Variants in TMEM267 observed in about 807,000 individuals in gnomAD.
The protein encoded by TMEM267 is transmembrane protein C5orf28.
In TMEM267, 20 loss-of-function variants were observed where a neutral mutation model predicts 19.3. That is an observed-to-expected ratio of 1.04 (90% CI 0.73 to 1.51). TMEM267 has a LOEUF of 1.51. Among genes scored for constraint, TMEM267 ranks in the 40% most tolerant of loss-of-function variants. The probability of loss-of-function intolerance (pLI) is 0.00; values close to 1 mark genes in which losing one functional copy is unlikely to be tolerated. For missense variants in TMEM267, 242 were observed against 261.9 expected, an observed-to-expected ratio of 0.92 and a Z score of 0.52; for synonymous variants, 88 against 90.3, an observed-to-expected ratio of 0.97 and a Z score of 0.15.
At chr5:43,479,761 A>G (rs1744650266) in intron 1 of TMEM267, 1 of 329,844 alleles carries the variant, frequency 3.0e-6, no homozygotes, top group African/African-American at 2.3e-5. Context: ...CATTTGCAAT[A>G]ATGAAAATTG....
intron 1 of TMEM267, among the ~76,000 whole-genome samples, chr5:43,456,170 A>T (rs1026965843): frequency 6.6e-6 from 1 of 152,194 alleles, no homozygotes; most frequent in African/African-American, 2.4e-5. Flanking sequence ...TGCAAAGATA[A>T]ATCAATGGAG....
At chr5:43,463,792 A>G (rs527249308) in intron 1 of TMEM267, among the ~76,000 whole-genome samples, 2 of 152,372 alleles carry the variant, frequency 1.3e-5, no homozygotes, top group African/African-American at 4.8e-5. Flanking sequence ...TTAGGTATCG[A>G]TGGGATGTAT....
intron 1 of TMEM267, among the ~76,000 whole-genome samples, chr5:43,465,053 C>T (rs1286100553): frequency 6.6e-6 from 1 of 152,252 alleles, no homozygotes; most frequent in Non-Finnish European, 1.5e-5. Context: ...TTGCAATCTA[C>T]TCATCTGACA....
At position 43,481,104 on chromosome 5, in the gene TMEM267, TAC is replaced by T. The variant is rs1299818684; in HGVS notation, c.-75+2716_-75+2717del. Reference sequence around the variant, plus strand: ...CAGGCGTGAGCCACTGCGCCCGGCTTACTTTTTTTTTTTTTTTTTTTTGACAA... The same window carrying T: ...CAGGCGTGAGCCACTGCGCCCGGCTTTTTTTTTTTTTTTTTTTTTTGACAA... On this transcript the variant is annotated intron_variant, in intron 1 of 2. Coordinates refer to ENST00000397080, the MANE Select transcript of TMEM267 (RefSeq NM_022483.5). 1.4e-5 allele frequency among the ~76,000 whole-genome samples: 2 copies of T among 146,280 alleles called. 1 individual carries two copies. Among genetic ancestry groups the T allele is most frequent in the Admixed American group, 1.4e-4 (2 of 14,674 alleles).
chr5:43,461,364 T>G (rs1310756870), intron 1 of TMEM267, among the ~76,000 whole-genome samples: 1 of 152,066 alleles, frequency 6.6e-6, no homozygotes, highest in Non-Finnish European at 1.5e-5. Context: ...TTATCAGCTG[T>G]GGTGGCTATG....
At chr5:43,454,892 T>G (rs1742855125) in intron 1 of TMEM267, among the ~76,000 whole-genome samples, 1 of 152,252 alleles carries the variant, frequency 6.6e-6, no homozygotes. Context: ...AGAAAATATT[T>G]GTCTACCTAA....
At position 43,453,964 on chromosome 5, in the gene TMEM267, T is replaced by C; in HGVS notation, c.6A>G (p.Ala2=). The C allele has an allele frequency of 6.2e-7, 1 of 1,612,832 alleles. No homozygotes were observed. Among genetic ancestry groups the C allele is most frequent in the East Asian group, 2.2e-5 (1 of 44,862 alleles). ...AAGCATGGGTCTTTTCAGTCTCGGA[T>C]GCCATGACAAACAATATGTTAGTAT... M[A]SETEKTHALL... Residue 2 remains alanine (A), a synonymous_variant, in exon 2 of 3, where the codon GCA becomes GCG. Transcript: ENST00000397080.
chr5:43,483,140 T>C (rs1193704782), intron 1 of TMEM267, among the ~76,000 whole-genome samples: 2 of 152,238 alleles, frequency 1.3e-5, no homozygotes, highest in Non-Finnish European at 2.9e-5. Context: ...ATGCCAAATC[T>C]GATGCAACTA....
Position 43,453,960 on chromosome 5 carries a change from C to T in TMEM267, c.10G>A (p.Glu4Lys), listed in dbSNP as rs759078331. MAS[E>K]TEKTHALLQT... ...AGTAAAGCATGGGTCTTTTCAGTCT[C>T]GGATGCCATGACAAACAATATGTTA... is the stretch of plus-strand genomic sequence containing the variant. The change falls in exon 2 of 3, where the codon GAG (glutamate) becomes AAG (lysine). Residue 4 changes from glutamate to lysine, a missense_variant. Glu to Lys is a moderately conservative substitution (Grantham distance 56). Transcript: ENST00000397080. 3.1e-6 allele frequency: 5 copies of T among 1,612,896 alleles called. No homozygotes were observed. Among genetic ancestry groups the T allele is most frequent in the Non-Finnish European group, 3.4e-6 (4 of 1,179,208 alleles).
At chr5:43,476,555 T>C (rs1269145307) in intron 1 of TMEM267, among the ~76,000 whole-genome samples, 1 of 122,630 alleles carries the variant, frequency 8.2e-6, no homozygotes, top group Non-Finnish European at 1.6e-5. Flanking sequence ...AAGACAACAC[T>C]GATGGTGTTA....
At chr5:43,472,600 C>G (rs1744148111) in intron 1 of TMEM267, among the ~76,000 whole-genome samples, 1 of 152,120 alleles carries the variant, frequency 6.6e-6, no homozygotes, top group Non-Finnish European at 1.5e-5. Context: ...CAATGGACTA[C>G]TATTCAGCCA....
intron 1 of TMEM267, among the ~76,000 whole-genome samples, chr5:43,478,200 C>CA (rs1227452793): frequency 6.6e-6 from 1 of 152,172 alleles, no homozygotes; most frequent in Non-Finnish European, 1.5e-5. Flanking sequence ...AATCATCAGA[C>CA]AAAACCTAGT....
intron 1 of TMEM267, among the ~76,000 whole-genome samples, chr5:43,470,949 T>A (rs938772966): frequency 6.6e-6 from 1 of 151,064 alleles, no homozygotes; most frequent in Non-Finnish European, 1.5e-5. Flanking sequence ...AGAGAATAAA[T>A]AAATAAAATT....
At chr5:43,451,435 G>A (rs1434373383) in intron 2 of TMEM267, among the ~76,000 whole-genome samples, 1 of 152,036 alleles carries the variant, frequency 6.6e-6, no homozygotes, top group East Asian at 1.9e-4. Context: ...CAAAAAGTGG[G>A]CAAAGGACAT....
Position 43,457,504 on chromosome 5 carries a change from C to T in TMEM267, c.-74-3461G>A, listed in dbSNP as rs139127486. On this transcript the variant is annotated intron_variant, in intron 1 of 2. Coordinates refer to ENST00000397080, the MANE Select transcript of TMEM267 (RefSeq NM_022483.5). Reference sequence around the variant, plus strand: ...GTGGAAGGTAAAGAGGAAGGAGTCACGTTTTACATGGCCAGAGTAGAAGAC... The same window carrying T: ...GTGGAAGGTAAAGAGGAAGGAGTCATGTTTTACATGGCCAGAGTAGAAGAC... Among the ~76,000 whole-genome samples, 620 of 152,214 alleles carry T rather than the reference C, an allele frequency of 4.1e-3. 3 individuals are homozygous for T. Among genetic ancestry groups the T allele is most frequent in the South Asian group, 0.021 (102 of 4,820 alleles).
intron 2 of TMEM267, among the ~76,000 whole-genome samples, chr5:43,452,042 C>T (rs1029392585): frequency 1.3e-4 from 18 of 137,800 alleles, no homozygotes; most frequent in African/African-American, 4.8e-4. Flanking sequence ...CACACCACTG[C>T]ACTCCAGCCT....
At chr5:43,457,087 G>A (rs1035362305) in intron 1 of TMEM267, among the ~76,000 whole-genome samples, 18 of 152,178 alleles carry the variant, frequency 1.2e-4, no homozygotes, top group African/African-American at 4.3e-4. Context: ...ATTATAGTAA[G>A]TGAAAGAAGT....
intron 2 of TMEM267, among the ~76,000 whole-genome samples, chr5:43,453,377 C>T (rs995388957): frequency 1.3e-5 from 2 of 152,212 alleles, no homozygotes; most frequent in Admixed American, 6.5e-5. Flanking sequence ...TTCTTCAAGA[C>T]CTGGCTAAAC....
At chr5:43,477,705 T>C (rs908160430) in intron 1 of TMEM267, among the ~76,000 whole-genome samples, 1 of 152,186 alleles carries the variant, frequency 6.6e-6, no homozygotes, top group Admixed American at 6.5e-5. Flanking sequence ...TCCAATGGCA[T>C]TGCTGCCAGT....
Sources: allele counts gnomAD v4.1 joint callset (sites outside exome capture counted in the v4.1 genomes callset), GRCh38; gene constraint gnomAD v4.1.1; transcripts MANE v1.5; gene names NCBI Gene and HGNC (gene_info 2026-07-23, HGNC 2026-07-21).